Variants in COG7 observed in about 807,000 individuals in gnomAD.
COG7 encodes component of oligomeric golgi complex 7, also known as conserved oligomeric Golgi complex subunit 7.
In COG7, 49 loss-of-function variants were observed where a neutral mutation model predicts 91.5. That is an observed-to-expected ratio of 0.54 (90% confidence interval 0.43 to 0.68). The LOEUF is 0.68. Among genes scored for constraint, COG7 ranks in the 30% least tolerant of loss-of-function variants. The pLI, the probability that COG7 is intolerant of heterozygous loss-of-function variation, is 0.00. For synonymous variants in COG7, 365 were observed against 388.7 expected (o/e 0.94, Z 0.72); for missense variants, 895 against 961.3 (o/e 0.93, Z 0.91).
At position 23,406,191 on chromosome 16, in the gene COG7, C is replaced by T. The variant is rs1180567052; in HGVS notation, c.1547G>A (p.Ser516Asn). 6.2e-7 allele frequency: 1 copy of T among 1,614,082 alleles called. No individual in the cohort carries two copies. The highest frequency in any genetic ancestry group is 8.5e-7 in the Non-Finnish European group (1 of 1,179,972). Residue 516 changes from serine (S) to asparagine (N), a missense_variant, in exon 12 of 17, where the codon AGC becomes AAC. By Grantham distance (46) the Ser-to-Asn change is conservative. Coordinates refer to ENST00000307149, the MANE Select transcript of COG7 (RefSeq NM_153603.4). Reference sequence around the variant, plus strand: ...AGAGTTCTTCTTGTCTGTCAAGATGCTCTCCTGAAAACCAGCCAGGCTCCG... The same window carrying T: ...AGAGTTCTTCTTGTCTGTCAAGATGTTCTCCTGAAAACCAGCCAGGCTCCG... ...SPRSLAGFQE[S>N]ILTDKKNSAK...
chr16:23,429,375 T>C (rs1425869965), intron 6 of COG7, among the ~76,000 whole-genome samples: 1 of 139,290 alleles, frequency 7.2e-6, no homozygotes, highest in Non-Finnish European at 1.5e-5. Context: ...GATGGGAACA[T>C]GTGTCTACAA....
chr16:23,393,100 A>C, intron 15 of COG7, 133 bp downstream of exon 15: 1 of 714,746 alleles, frequency 1.4e-6, no homozygotes, highest in East Asian at 2.7e-5. Flanking sequence ...GTGTACAAAA[A>C]GTACATGTTA....
At chr16:23,439,947 T>A (rs1964073667) in intron 4 of COG7, among the ~76,000 whole-genome samples, 1 of 152,120 alleles carries the variant, frequency 6.6e-6, no homozygotes, top group African/African-American at 2.4e-5. Flanking sequence ...TTTTAGGCAA[T>A]AATTGCTTCA....
At chr16:23,446,950 A>G (rs1270718646) in intron 1 of COG7, 5 of 151,880 alleles carry the variant, frequency 3.3e-5, no homozygotes, top group African/African-American at 1.2e-4. Context: ...CAGTTTCACC[A>G]TGTTGCCCAG....
chr16:23,429,560 T>TC (rs1963901762), intron 6 of COG7, among the ~76,000 whole-genome samples: 1 of 152,052 alleles, frequency 6.6e-6, no homozygotes, highest in Admixed American at 6.6e-5. Flanking sequence ...GGTCAGGAGT[T>TC]CGAGACCAGC....
chr16:23,452,899 C>A lies in COG7; in HGVS notation c.96G>T (p.Lys32Asn), dbSNP rs1216561503. 1 of 1,613,960 alleles carries A rather than the reference C, an allele frequency of 6.2e-7. No homozygotes were observed. Among genetic ancestry groups the A allele is most frequent in the Non-Finnish European group, 8.5e-7 (1 of 1,180,010 alleles). ...CCAGGGTGGCTGCGTGGCCATCCGC[C>A]TTCCCGGACGCCGCCTCCTTGGAGC... ...RAGSKEAASG[K>N]ADGHAATLVM... Residue 32 changes from lysine to asparagine, a missense_variant, in exon 1 of 17, where the codon AAG (lysine) becomes AAT (asparagine). Coordinates refer to ENST00000307149, the MANE Select transcript of COG7 (RefSeq NM_153603.4).
chr16:23,425,441 C>G (rs2142081869), intron 6 of COG7, among the ~76,000 whole-genome samples: 1 of 152,276 alleles, frequency 6.6e-6, no homozygotes, highest in Non-Finnish European at 1.5e-5. Context: ...AAGTGATCTT[C>G]CCACCTTAGC....
intron 11 of COG7, among the ~76,000 whole-genome samples, 160 bp downstream of exon 11, chr16:23,410,135 A>C (rs1378230500): frequency 6.6e-6 from 1 of 152,186 alleles, no homozygotes; most frequent in Admixed American, 6.5e-5. Flanking sequence ...TAAACGTTTA[A>C]TGATGACAAT....
Position 23,424,857 on chromosome 16 carries a change from C to G in COG7, c.901G>C (p.Gly301Arg), listed in dbSNP as rs771367396. Residue 301 changes from glycine (G) to arginine (R), a missense_variant, in exon 7 of 17, where the codon GGC becomes CGC. By Grantham distance (125) the Gly-to-Arg change is moderately radical. Transcript: ENST00000307149. ...MPSLPSCLSN[G>R]VERAGPEQEL... ...TGCTCGGGCCCTGCCCTCTCCACGCCGTTGCTGAGGCAGGAGGGCAGCGAG... is the reference window on the plus strand; with the variant it reads ...TGCTCGGGCCCTGCCCTCTCCACGCGGTTGCTGAGGCAGGAGGGCAGCGAG... 2.8e-5 allele frequency: 45 copies of G among 1,614,182 alleles called. No homozygotes were observed. The highest frequency in any genetic ancestry group is 3.8e-5 in the Non-Finnish European group (45 of 1,180,026).
intron 6 of COG7, among the ~76,000 whole-genome samples, chr16:23,426,794 G>A (rs1306321537): frequency 1.7e-3 from 169 of 96,734 alleles, no homozygotes; most frequent in African/African-American, 6.7e-3. Context: ...CAAAGAACCA[G>A]AAGTCCTAGC....
chr16:23,444,870 G>A (rs1048541765), intron 3 of COG7, among the ~76,000 whole-genome samples, 178 bp downstream of exon 3: 2 of 152,128 alleles, frequency 1.3e-5, no homozygotes, highest in African/African-American at 4.8e-5. Flanking sequence ...CAGTCACACA[G>A]AGGGTGCAAG....
At chr16:23,436,585 A>G (rs1596949580) in intron 4 of COG7, among the ~76,000 whole-genome samples, 1 of 152,042 alleles carries the variant, frequency 6.6e-6, no homozygotes, top group East Asian at 1.9e-4. Context: ...AATATAAAAA[A>G]TTAACCAGGC....
intron 16 of COG7, among the ~76,000 whole-genome samples, chr16:23,389,549 G>C (rs1048297760): frequency 2.0e-5 from 3 of 152,134 alleles, no homozygotes; most frequent in Admixed American, 2.0e-4. Context: ...GGGGACTCCT[G>C]GGTTCCAAGC....
In COG7 at chr16:23,435,589, T is replaced by C. The variant is rs1005182366; in HGVS notation, c.605-871A>G. On this transcript the variant is annotated intron_variant, in intron 4 of 16. Transcript: ENST00000307149. ...GGGTTTCAGTGCAGTCTCTGAATAG[T>C]GTGCACAGCAGCGCCACCTCTGGCT... Among the ~76,000 whole-genome samples, 6 of 152,298 alleles carry C rather than the reference T, an allele frequency of 3.9e-5. No individual in the cohort carries two copies. The South Asian group carries it at 1.0e-3, about 26-fold the overall frequency.
intron 6 of COG7, among the ~76,000 whole-genome samples, chr16:23,425,330 T>A (rs958524628): frequency 6.6e-6 from 1 of 151,950 alleles, no homozygotes; most frequent in Admixed American, 6.6e-5. Context: ...AAATTAAAAT[T>A]AAAAATTAAA....
In COG7 at chr16:23,433,615, T is replaced by C; in HGVS notation, c.740A>G (p.Asp247Gly). Residue 247 changes from aspartate (D) to glycine (G), a missense_variant, in exon 6 of 17, where the codon GAC becomes GGC. Asp to Gly is a moderately conservative substitution (Grantham distance 94). Transcript: ENST00000307149. ...QELCQSDLSL[D>G]RQLTGLYDAL... is the part of the protein sequence containing the mutation. The stretch of plus-strand genomic sequence containing the variant: ...ATCATAGAGTCCGGTAAGCTGCCGG[T>C]CCAGGGATAGGTCACTTTGACACAG... The C allele has an allele frequency of 6.2e-7, 1 of 1,614,066 alleles. No homozygotes were observed. Among genetic ancestry groups the C allele is most frequent in the Non-Finnish European group, 8.5e-7 (1 of 1,180,000 alleles).
chr16:23,399,898 T>C (rs2142063171), intron 13 of COG7, among the ~76,000 whole-genome samples: 1 of 152,322 alleles, frequency 6.6e-6, no homozygotes, highest in South Asian at 2.1e-4. Flanking sequence ...CTCAAAGGGT[T>C]AAAATAAATT....
At chr16:23,442,444 T>C in intron 4 of COG7, 33 bp downstream of exon 4, 2 of 1,604,116 alleles carry the variant, frequency 1.2e-6, no homozygotes, top group South Asian at 1.1e-5. Flanking sequence ...TATAGAGAGA[T>C]ATACACAGAG....
chr16:23,427,231 A>C (rs766226651), intron 6 of COG7, among the ~76,000 whole-genome samples: 1 of 152,164 alleles, frequency 6.6e-6, no homozygotes, highest in Admixed American at 6.6e-5. Context: ...AGCCTGGGCG[A>C]AAGAGCAAAA....
Sources: gnomAD v4.1 joint callset for allele counts (sites outside exome capture counted in the v4.1 genomes callset) on GRCh38, gnomAD v4.1.1 for gene constraint, MANE v1.5 for transcripts, NCBI Gene and HGNC (gene_info 2026-07-23, HGNC 2026-07-21) for gene names.